SHISA9: variants seen among roughly 807,000 people sequenced by gnomAD.
SHISA9 encodes the protein protein shisa-9.
Under a neutral mutation model 38.0 loss-of-function variants are expected in SHISA9, and 13 were observed. The observed-to-expected ratio is 0.34, with a 90% CI of 0.22 to 0.54. The LOEUF (loss-of-function observed/expected upper bound fraction) is 0.54, where lower values mean the gene tolerates loss of function less well. SHISA9 is among the 20% of genes least tolerant of loss of function. The probability of loss-of-function intolerance (pLI) is 0.91; values close to 1 mark genes in which losing one functional copy is unlikely to be tolerated. For synonymous variants in SHISA9, 275 were observed against 242.0 expected (o/e 1.14, Z -1.27); for missense variants, 538 against 575.8 (o/e 0.93, Z 0.67).
At chr16:13,109,831 C>T (rs551101523) in intron 2 of SHISA9, among the ~76,000 whole-genome samples, 1 of 152,316 alleles carries the variant, frequency 6.6e-6, no homozygotes, top group South Asian at 2.1e-4. Flanking sequence ...CCTGTCTTAG[C>T]AGGTATAAAT....
At chr16:12,921,301 T>C (rs575720310) in intron 2 of SHISA9, among the ~76,000 whole-genome samples, 18 of 152,280 alleles carry the variant, frequency 1.2e-4, no homozygotes, top group African/African-American at 4.3e-4. Context: ...ACACCCTGAC[T>C]CTCCTAGGAC....
intron 2 of SHISA9, among the ~76,000 whole-genome samples, chr16:12,918,804 T>C (rs1337642710): frequency 6.7e-6 from 1 of 148,260 alleles, no homozygotes; most frequent in Non-Finnish European, 1.5e-5. Context: ...CTACAAACAC[T>C]ACATTCTTAC....
At chr16:12,904,737 C>A (rs1175975647) in intron 1 of SHISA9, among the ~76,000 whole-genome samples, 2 of 152,252 alleles carry the variant, frequency 1.3e-5, no homozygotes, top group African/African-American at 4.8e-5. Context: ...CTGGCAGCTT[C>A]TAAGGTATGA....
the SHISA9 span, among the ~76,000 whole-genome samples, chr16:13,521,256 C>A: frequency 6.6e-6 from 1 of 152,192 alleles, no homozygotes; most frequent in African/African-American, 2.4e-5. Flanking sequence ...ATCTTCTTCC[C>A]TGCTCACCAT....
the SHISA9 span, among the ~76,000 whole-genome samples, chr16:13,318,415 T>C: frequency 6.6e-6 from 1 of 152,210 alleles, no homozygotes; most frequent in Non-Finnish European, 1.5e-5. Flanking sequence ...CTCCACCTCC[T>C]GGGTTCAAGT....
the SHISA9 span, among the ~76,000 whole-genome samples, chr16:13,549,051 C>A: frequency 6.6e-6 from 1 of 152,148 alleles, no homozygotes; most frequent in East Asian, 1.9e-4. Flanking sequence ...GAGAAAATTC[C>A]TGTTATTTGC....
the SHISA9 span, among the ~76,000 whole-genome samples, chr16:13,421,768 C>T: frequency 6.6e-6 from 1 of 152,184 alleles, no homozygotes; most frequent in Non-Finnish European, 1.5e-5. Context: ...TCCTCTTCCC[C>T]TTCTTCCAGG....
At chr16:13,254,637 G>A in the SHISA9 span, among the ~76,000 whole-genome samples, 1 of 152,204 alleles carries the variant, frequency 6.6e-6, no homozygotes, top group African/African-American at 2.4e-5. Flanking sequence ...TTCCAGAAAG[G>A]GGCCTCTTGG....
intron 2 of SHISA9, among the ~76,000 whole-genome samples, chr16:12,976,982 A>G (rs1188166395): frequency 6.6e-6 from 1 of 152,216 alleles, no homozygotes; most frequent in Non-Finnish European, 1.5e-5. Flanking sequence ...AGAACATTGT[A>G]AGCTTGAGAG....
At chr16:13,263,364 C>A in the SHISA9 span, among the ~76,000 whole-genome samples, 1 of 152,076 alleles carries the variant, frequency 6.6e-6, no homozygotes, top group African/African-American at 2.4e-5. Flanking sequence ...GATCACGGGG[C>A]GGAGTTCTCA....
the SHISA9 span, among the ~76,000 whole-genome samples, chr16:13,267,908 C>G: frequency 4.0e-5 from 6 of 149,394 alleles, 1 homozygote; most frequent in African/African-American, 7.4e-5. Context: ...GCACCTGGCA[C>G]TATTCTATTG....
the SHISA9 span, among the ~76,000 whole-genome samples, chr16:13,305,145 A>G: frequency 4.6e-5 from 7 of 152,186 alleles, no homozygotes; most frequent in African/African-American, 1.4e-4. Context: ...CATTTGTTTC[A>G]CATACACCTA....
chr16:13,046,164 C>T (rs62028895), intron 2 of SHISA9, among the ~76,000 whole-genome samples: 2,478 of 140,628 alleles, frequency 0.018, 24 homozygotes, highest in South Asian at 0.03. Flanking sequence ...CTGTGACTGA[C>T]TGTGTATTTA....
At chr16:13,396,983 C>T in the SHISA9 span, among the ~76,000 whole-genome samples, 1 of 152,100 alleles carries the variant, frequency 6.6e-6, no homozygotes, top group African/African-American at 2.4e-5. Context: ...AGACCAACTC[C>T]TCCTCCTCCT....
chr16:13,105,153 G>A lies in SHISA9; in HGVS notation c.692-98241G>A, dbSNP rs190307720. 2.2e-3 allele frequency among the ~76,000 whole-genome samples: 342 copies of A among 152,268 alleles called. 1 individual carries two copies. Among genetic ancestry groups the A allele is most frequent in the African/African-American group, 7.9e-3 (330 of 41,556 alleles). On this transcript the variant is annotated intron_variant, in intron 2 of 4. Transcript: ENST00000558583. ...ATACGCTCAATAAAAGTTAATTTCT[G>A]TTATGGTTGCCTTTCCTTGCTGTGA...
intron 4 of SHISA9, among the ~76,000 whole-genome samples, chr16:13,225,337 AC>A: frequency 1.3e-5 from 2 of 152,330 alleles, no homozygotes; most frequent in Middle Eastern, 6.8e-3. Context: ...AGTTTGTGGT[AC>A]TTTGTGATGG....
the SHISA9 span, among the ~76,000 whole-genome samples, chr16:13,415,538 A>G: frequency 5.9e-5 from 9 of 152,304 alleles, no homozygotes; most frequent in Non-Finnish European, 1.0e-4. Context: ...AACTCCCATT[A>G]CATAAGTTTA....
chr16:13,350,837 A>G, the SHISA9 span, among the ~76,000 whole-genome samples: 1 of 152,176 alleles, frequency 6.6e-6, no homozygotes, highest in Non-Finnish European at 1.5e-5. Context: ...TCCTTATTAC[A>G]CAGAAACCCT....
chr16:13,520,338 G>T, the SHISA9 span, among the ~76,000 whole-genome samples: 1 of 152,050 alleles, frequency 6.6e-6, no homozygotes, highest in East Asian at 1.9e-4. Flanking sequence ...GGTGGCTCAC[G>T]CCTGTAATCC....
Sources: allele counts gnomAD v4.1 joint callset (sites outside exome capture counted in the v4.1 genomes callset), GRCh38; gene constraint gnomAD v4.1.1; transcripts MANE v1.5; gene names NCBI Gene and HGNC (gene_info 2026-07-23, HGNC 2026-07-21).